HHAT: variants seen among roughly 807,000 people sequenced by gnomAD.
HHAT encodes the protein hedgehog acyltransferase, also known as protein-cysteine N-palmitoyltransferase HHAT.
A neutral mutation model predicts 70.8 loss-of-function variants in HHAT; 47 were observed. The ratio of observed to expected loss-of-function variants is 0.66; its 90% CI spans 0.53 to 0.85. The LOEUF (loss-of-function observed/expected upper bound fraction) is 0.85. Ranked by LOEUF, HHAT falls within the 40% of genes least tolerant of loss-of-function variation. HHAT has a pLI of 0.00. For missense variants in HHAT, 609 were observed against 604.8 expected, an observed-to-expected ratio of 1.01 and a Z score of -0.07; for synonymous variants, 228 against 247.6, an observed-to-expected ratio of 0.92 and a Z score of 0.74.
chr1:210,335,406 A>G (rs970347713), intron 1 of HHAT, among the ~76,000 whole-genome samples: 1 of 152,012 alleles, frequency 6.6e-6, no homozygotes, highest in Non-Finnish European at 1.5e-5. Context: ...CTGCAAATCT[A>G]TAGATTCGGG....
chr1:210,618,074 A>G (rs542815104), intron 10 of HHAT, among the ~76,000 whole-genome samples: 1 of 152,292 alleles, frequency 6.6e-6, no homozygotes, highest in South Asian at 2.1e-4. Flanking sequence ...GGAACCTACT[A>G]TGCTGGTAGG....
intron 9 of HHAT, among the ~76,000 whole-genome samples, chr1:210,535,328 C>T (rs1001597857): frequency 4.0e-5 from 6 of 150,688 alleles, no homozygotes; most frequent in African/African-American, 1.5e-4. Flanking sequence ...TGTGGAAGAA[C>T]TTGGTGGTAC....
intron 1 of HHAT, among the ~76,000 whole-genome samples, chr1:210,341,737 T>G (rs1345152129): frequency 6.6e-6 from 1 of 152,184 alleles, no homozygotes; most frequent in Non-Finnish European, 1.5e-5. Context: ...AGCTGAGAGA[T>G]TCTTGCCATT....
chr1:210,364,730 C>T (rs2088725469), intron 3 of HHAT, among the ~76,000 whole-genome samples: 1 of 152,218 alleles, frequency 6.6e-6, no homozygotes, highest in Admixed American at 6.5e-5. Context: ...TGCTTGACTC[C>T]CTGCAGAGGC....
In HHAT at chr1:210,362,834, C is replaced by A; in HGVS notation, c.92-18C>A. ...TGTTTAGATTTGTGACTAACGAAGACTTTTTTTTTTTGGTCAGAACACGAA... is the reference window on the plus strand; with the variant it reads ...TGTTTAGATTTGTGACTAACGAAGAATTTTTTTTTTTGGTCAGAACACGAA... On this transcript the variant is annotated intron_variant, in intron 2 of 11. Coordinates refer to ENST00000261458, the MANE Select transcript of HHAT (RefSeq NM_018194.6). 1 of 1,211,484 alleles carries A rather than the reference C, an allele frequency of 8.3e-7. No homozygotes were observed. The highest frequency in any genetic ancestry group is 1.1e-6 in the Non-Finnish European group (1 of 871,672). 75.0% of individuals were successfully genotyped at this position (1,211,484 alleles called of 1,614,324 possible). A position where few individuals can be genotyped will look rare whatever the true frequency, so the allele number is the denominator to read the frequency against.
intron 10 of HHAT, among the ~76,000 whole-genome samples, chr1:210,622,698 A>G (rs1467409180): frequency 6.6e-6 from 1 of 152,188 alleles, no homozygotes; most frequent in Non-Finnish European, 1.5e-5. Flanking sequence ...CTCTGACTCC[A>G]GCAGTAGGCT....
chr1:210,493,143 A>C (rs574149490), intron 8 of HHAT, among the ~76,000 whole-genome samples: 3 of 152,140 alleles, frequency 2.0e-5, no homozygotes, highest in Non-Finnish European at 2.9e-5. Flanking sequence ...ACTTTTAGTC[A>C]TCCAAGCAGA....
chr1:210,446,626 A>G (rs1471221420), intron 7 of HHAT, among the ~76,000 whole-genome samples: 1 of 152,050 alleles, frequency 6.6e-6, no homozygotes, highest in Non-Finnish European at 1.5e-5. Context: ...GTGCTCCTGC[A>G]CTGTGGGCTT....
chr1:210,556,886 A>G (rs1339562038), intron 9 of HHAT, among the ~76,000 whole-genome samples: 8 of 152,354 alleles, frequency 5.3e-5, no homozygotes, highest in African/African-American at 1.7e-4. Flanking sequence ...CTGGAAAAAC[A>G]GCTCAAAGCC....
At chr1:210,569,602 C>A (rs1471265337) in intron 9 of HHAT, among the ~76,000 whole-genome samples, 1 of 151,980 alleles carries the variant, frequency 6.6e-6, no homozygotes, top group Non-Finnish European at 1.5e-5. Context: ...TTTCCTCTGA[C>A]ACTGACTTTG....
chr1:210,329,106 T>C lies in HHAT; in HGVS notation c.-44+2T>C. On this transcript the variant is annotated splice_donor_variant, in intron 1 of 11. Transcript: ENST00000261458. LOFTEE classifies it low-confidence loss of function (5UTR_SPLICE). Reference sequence around the variant, plus strand: ...GCCGCCGCCCGGGACAGCCCGGAGGTTGGTAACTGGTGACCATAGGGGGTC... The same window carrying C: ...GCCGCCGCCCGGGACAGCCCGGAGGCTGGTAACTGGTGACCATAGGGGGTC... The C allele has an allele frequency of 7.2e-7, 1 of 1,383,790 alleles. No individual in the cohort carries two copies. The highest frequency in any genetic ancestry group is 3.1e-5 in the East Asian group (1 of 32,540). 85.7% of individuals were successfully genotyped at this position (1,383,790 alleles called of 1,614,324 possible). A position where few individuals can be genotyped will look rare whatever the true frequency, so the allele number is the denominator to read the frequency against.
intron 11 of HHAT, among the ~76,000 whole-genome samples, chr1:210,653,511 C>G (rs1390119383): frequency 7.3e-6 from 1 of 137,312 alleles, no homozygotes; most frequent in Non-Finnish European, 1.5e-5. Flanking sequence ...GCCTGGGTGA[C>G]AGAGCGAGAC....
chr1:210,608,282 G>A (rs143517940), intron 10 of HHAT, among the ~76,000 whole-genome samples: 12 of 152,294 alleles, frequency 7.9e-5, no homozygotes, highest in African/African-American at 2.6e-4. Context: ...ATGGCCTGCA[G>A]TTATGAATCA....
At chr1:210,417,587 A>G (rs888698768) in intron 6 of HHAT, among the ~76,000 whole-genome samples, 1 of 152,228 alleles carries the variant, frequency 6.6e-6, no homozygotes, top group East Asian at 1.9e-4. Context: ...TCTGCTGCCT[A>G]CTAAGCAAGA....
chr1:210,610,677 G>T lies in HHAT; in HGVS notation c.1246-12849G>T, dbSNP rs567699638. ...TATATTTAAGTCTTTAATCCATCTT[G>T]AATTAATTTTTTATATGGTATAAGG... On this transcript the variant is annotated intron_variant, in intron 10 of 11. Coordinates refer to ENST00000261458, the MANE Select transcript of HHAT (RefSeq NM_018194.6). Among the ~76,000 whole-genome samples, 57 of 135,964 alleles carry T rather than the reference G, an allele frequency of 4.2e-4. 2 individuals are homozygous for T. In the South Asian group the frequency reaches 0.013, roughly 31 times the overall value. 89.2% of individuals were successfully genotyped at this position (135,964 alleles called of 152,430 possible). A position where few individuals can be genotyped will look rare whatever the true frequency, so the allele number is the denominator to read the frequency against.
Position 210,412,973 on chromosome 1 carries a change from C to T in HHAT, c.685-5181C>T, listed in dbSNP as rs138798753. Among the ~76,000 whole-genome samples, 136 of 152,286 alleles carry T rather than the reference C, an allele frequency of 8.9e-4. 1 individual carries two copies. The highest frequency in any genetic ancestry group is 1.9e-3 in the African/African-American group (79 of 41,560). ...TTGGGGCAGCCAAGGAGTGTGGTGA[C>T]GGGGAGTGGGGAGCAGAGCCCACAA... On this transcript the variant is annotated intron_variant, in intron 6 of 11. Transcript: ENST00000261458.
At chr1:210,471,044 A>G (rs2094195654) in intron 8 of HHAT, among the ~76,000 whole-genome samples, 2 of 152,176 alleles carry the variant, frequency 1.3e-5, no homozygotes, top group South Asian at 4.2e-4. Context: ...CACCCTCCTC[A>G]GTGCCCAGCA....
chr1:210,456,865 G>A (rs12069541), intron 7 of HHAT, among the ~76,000 whole-genome samples: 4 of 152,192 alleles, frequency 2.6e-5, no homozygotes, highest in South Asian at 2.1e-4. Context: ...CAAGCTTCAC[G>A]TGAGGTGTCC....
chr1:210,665,349 T>C (rs1371644074), intron 11 of HHAT, among the ~76,000 whole-genome samples: 1 of 152,224 alleles, frequency 6.6e-6, no homozygotes, highest in Non-Finnish European at 1.5e-5. Context: ...AACCTGGTGG[T>C]TCTTAGGAGT....
Sources: allele counts gnomAD v4.1 joint callset (sites outside exome capture counted in the v4.1 genomes callset), GRCh38; gene constraint gnomAD v4.1.1; transcripts MANE v1.5; gene names NCBI Gene and HGNC (gene_info 2026-07-23, HGNC 2026-07-21).